Variants in ATM observed in about 807,000 individuals in gnomAD.
The protein encoded by ATM is ATM serine/threonine kinase.
A neutral mutation model predicts 387.0 loss-of-function variants in ATM; 308 were observed. The observed-to-expected ratio is 0.80, with a 90% confidence interval of 0.73 to 0.87. The LOEUF (loss-of-function observed/expected upper bound fraction) is 0.87, where lower values mean the gene tolerates loss of function less well. Ranked by LOEUF, ATM falls within the 40% of genes least tolerant of loss-of-function variation. ATM has a pLI of 0.00. For synonymous variants in ATM, 1,156 were observed against 1,187.3 expected (o/e 0.97, Z 0.54); for missense variants, 3,312 against 3,560.9 (o/e 0.93, Z 1.78).
intron 39 of ATM, 101 bp from the exon 40 acceptor site, chr11:108,312,310 C>T (rs938806320): frequency 7.5e-5 from 64 of 852,478 alleles, no homozygotes; most frequent in Non-Finnish European, 1.2e-4. Context: ...GTTTTGTTTG[C>T]CACCTTCATT....
intron 22 of ATM, among the ~76,000 whole-genome samples, chr11:108,273,881 C>A (rs1171331951): frequency 1.3e-5 from 2 of 152,192 alleles, no homozygotes; most frequent in African/African-American, 4.8e-5. Context: ...ATGATGCTGG[C>A]ATCATAAAAT....
rs56260201 is a variant in ATM, at chr11:108,302,779, T to C, written c.5320-74T>C. ...TAGCTTTATTCAGAAAGATTTGTTA[T>C]ACTCATTTTGTGTAGGAAAGGTACA... On this transcript the variant is annotated intron_variant, in intron 35 of 62. Coordinates refer to ENST00000675843, the MANE Select transcript of ATM (RefSeq NM_000051.4). 1,014 of 1,359,256 alleles carry C rather than the reference T, an allele frequency of 7.5e-4. 6 individuals carry two copies. The African/African-American group carries it at 0.012, about 16-fold the overall frequency. The allele number at this position is 1,359,256 out of a possible 1,614,324, so 84.2% of individuals were successfully genotyped here.
intron 26 of ATM, among the ~76,000 whole-genome samples, chr11:108,285,160 A>G (rs1019017127): frequency 3.9e-5 from 6 of 152,074 alleles, no homozygotes; most frequent in East Asian, 3.9e-4. Context: ...GGGTTTCACC[A>G]TGTTGGCCAG....
At chr11:108,312,608 C>A in intron 40 of ATM, 110 bp downstream of exon 40, 1 of 781,132 alleles carries the variant, frequency 1.3e-6, no homozygotes, top group Admixed American at 2.2e-5. Context: ...AATTTACTTA[C>A]TGGACTAAGC....
Position 108,252,887 on chromosome 11 carries a change from AATT to A in ATM, c.1874_1876del (p.Asn625_Phe626delinsIle). ...TATGAAAAACTGTAAAGCTGCAATG[AATT>A]TTTTCCAAAGCGTGCCAGAATGGTA... On this transcript the variant is annotated inframe_deletion, in exon 12 of 63. Transcript: ENST00000675843. The A allele has an allele frequency of 6.2e-7, 1 of 1,612,780 alleles. No individual in the cohort carries two copies. Among genetic ancestry groups the A allele is most frequent in the Non-Finnish European group, 8.5e-7 (1 of 1,179,138 alleles).
rs2135238468 is a variant in ATM, at chr11:108,244,839, C to T, written c.714C>T (p.Ile238=). 1 of 1,613,858 alleles carries T rather than the reference C, an allele frequency of 6.2e-7. No homozygotes were observed. Among genetic ancestry groups the T allele is most frequent in the Non-Finnish European group, 8.5e-7 (1 of 1,179,918 alleles). The part of the protein sequence containing the change: ...GLNHILAALT[I]FLKTLAVNFR... ...ATCATATCTTAGCAGCTCTTACTAT[C>T]TTCCTCAAGACTTTGGCTGTCAACT... Residue 238 remains isoleucine, a synonymous_variant, in exon 7 of 63, where the codon ATC becomes ATT. Coordinates refer to ENST00000675843, the MANE Select transcript of ATM (RefSeq NM_000051.4).
chr11:108,317,453 T>C lies in ATM; in HGVS notation c.6279T>C (p.Pro2093=), dbSNP rs141370828. Residue 2093 remains proline, a synonymous_variant, in exon 43 of 63, where the codon CCT becomes CCC. Transcript: ENST00000675843. ...GLDYENKDWC[P]ELEELHYQAA... ...ATTATGAAAATAAAGACTGGTGTCC[T>C]GAACTAGAAGAACTTCATTACCAAG... The C allele has an allele frequency of 1.2e-6, 2 of 1,612,654 alleles. No individual in the cohort carries two copies. The highest frequency in any genetic ancestry group is 1.7e-6 in the Non-Finnish European group (2 of 1,179,450).
intron 26 of ATM, 69 bp downstream of exon 26, chr11:108,284,542 G>A (rs2135711565): frequency 6.3e-7 from 1 of 1,581,924 alleles, no homozygotes; most frequent in Non-Finnish European, 8.7e-7. Flanking sequence ...AAGTTTTAAG[G>A]CTATTTATTC....
At chr11:108,282,992 G>C (rs2082316472) in intron 25 of ATM, 113 bp downstream of exon 25, 1 of 674,204 alleles carries the variant, frequency 1.5e-6, no homozygotes, top group African/African-American at 1.8e-5. Context: ...ATGTGTGTGT[G>C]GGAGCCTACA....
At chr11:108,363,231 C>A (rs2090996376) in intron 61 of ATM, among the ~76,000 whole-genome samples, 1 of 152,150 alleles carries the variant, frequency 6.6e-6, no homozygotes, top group Non-Finnish European at 1.5e-5. Context: ...CTCTTGGATT[C>A]ATTTCTTTTC....
rs143548899 is a variant in ATM at position 108,317,247 on chromosome 11, G to A, written c.6199-126G>A. On this transcript the variant is annotated intron_variant, in intron 42 of 62. Transcript: ENST00000675843. ...AGCCACCACACCCAGCTGATATTTT[G>A]GGATTTTAAATGATATTGTGAACTA... 76 of 959,336 alleles carry A rather than the reference G, an allele frequency of 7.9e-5. No homozygotes were observed. In the African/African-American group the frequency reaches 1.1e-3, roughly 14 times the overall value. The allele number at this position is 959,336 out of a possible 1,614,324, so 59.4% of individuals were successfully genotyped here.
At chr11:108,362,422 C>CA in intron 61 of ATM, among the ~76,000 whole-genome samples, 1 of 151,848 alleles carries the variant, frequency 6.6e-6, no homozygotes, top group Admixed American at 6.6e-5. Flanking sequence ...TTAGAAATAC[C>CA]ATTTGACCCA....
intron 18 of ATM, 24 bp downstream of exon 18, chr11:108,268,633 C>G (rs2081400653): frequency 6.2e-7 from 1 of 1,607,774 alleles, no homozygotes; most frequent in Non-Finnish European, 8.5e-7. Context: ...AATGAAGAAG[C>G]TCTTGGATTT....
intron 22 of ATM, among the ~76,000 whole-genome samples, chr11:108,275,696 C>T (rs941254151): frequency 6.6e-6 from 1 of 152,200 alleles, no homozygotes; most frequent in African/African-American, 2.4e-5. Context: ...GGCCCCCACT[C>T]TCTTCTGGCT....
intron 43 of ATM, among the ~76,000 whole-genome samples, chr11:108,318,410 G>A (rs990098495): frequency 6.6e-6 from 1 of 151,576 alleles, no homozygotes; most frequent in African/African-American, 2.4e-5. Flanking sequence ...TCAGGGCTGG[G>A]CACAGTGTGG....
rs863224569 is a variant in ATM, at chr11:108,287,623, T to G, written c.4017T>G (p.Asn1339Lys). The part of the protein sequence containing the change: ...GKQIDHLFIS[N>K]LPEIVVELLM... Reference sequence around the variant, plus strand: ...AGATTGATCACTTATTCATTAGTAATTTACCAGAGATTGTGGTGGAGTTAT... The same window carrying G: ...AGATTGATCACTTATTCATTAGTAAGTTACCAGAGATTGTGGTGGAGTTAT... The change falls in exon 27 of 63, where the codon AAT (asparagine) becomes AAG (lysine). Residue 1339 changes from asparagine to lysine, a missense_variant. Around this residue, in one of 4 missense-constraint regions of ATM, gnomAD observed 1,791 missense variants for 1,804.5 expected, o/e 0.99. Transcript: ENST00000675843. The G allele has an allele frequency of 2.5e-6, 4 of 1,613,124 alleles. No homozygotes were observed. The highest frequency in any genetic ancestry group is 3.4e-6 in the Non-Finnish European group (4 of 1,179,408).
Position 108,312,458 on chromosome 11 carries a change from T to G in ATM, c.5966T>G (p.Leu1989Trp), listed in dbSNP as rs1565493603. 6.3e-7 allele frequency: 1 copy of G among 1,596,670 alleles called. No individual in the cohort carries two copies. Among genetic ancestry groups the G allele is most frequent in the Non-Finnish European group, 8.6e-7 (1 of 1,164,486 alleles). Residue 1989 changes from leucine to tryptophan, a missense_variant, in exon 40 of 63, where the codon TTG becomes TGG. Around this residue, in one of 4 missense-constraint regions of ATM, gnomAD observed 1,405 missense variants for 1,604.4 expected, o/e 0.88. Transcript: ENST00000675843. ...EGSQSTTISS[L>W]SEKSKEETGI... ...AGCCAGAGTACAACTATTTCTAGCT[T>G]GAGTGAAAAAAGTAAAGAAGAAACT...
In ATM at chr11:108,317,510, C is replaced by T. The variant is rs755845798; in HGVS notation, c.6336C>T (p.Cys2112=). ...GGAGGAATATGCAGTGGGACCATTG[C>T]ACTTCCGTCAGGTAAGAAATTTGAC... ...AAWRNMQWDH[C]TSVSKEVEGT... Residue 2112 remains cysteine, a synonymous_variant, in exon 43 of 63, where the codon TGC becomes TGT. Transcript: ENST00000675843. 1 of 1,606,640 alleles carries T rather than the reference C, an allele frequency of 6.2e-7. No homozygotes were observed. Among genetic ancestry groups the T allele is most frequent in the South Asian group, 1.1e-5 (1 of 90,854 alleles).
chr11:108,350,949 A>G (rs552016899), intron 59 of ATM, among the ~76,000 whole-genome samples: 2 of 152,350 alleles, frequency 1.3e-5, no homozygotes, highest in African/African-American at 4.8e-5. Context: ...AAATGCATAC[A>G]TATGTATAAA....
Sources: gnomAD v4.1 joint callset for allele counts (sites outside exome capture counted in the v4.1 genomes callset) on GRCh38, gnomAD v4.1.1 for gene constraint, gnomAD v4.1.1 regional missense constraint, MANE v1.5 for transcripts, NCBI Gene and HGNC (gene_info 2026-07-23, HGNC 2026-07-21) for gene names.